NKD1: variants seen among roughly 807,000 people sequenced by gnomAD.
NKD1 encodes the protein NKD inhibitor of Wnt signaling pathway 1, also known as protein naked cuticle homolog 1.
A neutral mutation model predicts 56.0 loss-of-function variants in NKD1; 21 were observed. The ratio of observed to expected loss-of-function variants is 0.38; its 90% CI spans 0.27 to 0.54. NKD1 has a LOEUF of 0.54. Among genes scored for constraint, NKD1 ranks in the 20% least tolerant of loss-of-function variants. NKD1 has a pLI of 0.82. For missense variants in NKD1, 578 were observed against 642.7 expected (o/e 0.90, Z 1.09); for synonymous variants, 263 against 265.7 (o/e 0.99, Z 0.10).
chr16:50,548,670 G>A (rs1567331082), intron 1 of NKD1, 47 bp from the exon 2 acceptor site: 4 of 1,460,974 alleles, frequency 2.7e-6, no homozygotes, highest in Non-Finnish European at 2.7e-6. Flanking sequence ...TCCTTCTCCC[G>A]CCGCCGCGGC....
In NKD1 at chr16:50,642,907, G is replaced by A. The variant is rs1962605951; in HGVS notation, c.*9126G>A. On this transcript the variant is annotated 3_prime_UTR_variant, in exon 10 of 10. Coordinates refer to ENST00000268459, the MANE Select transcript of NKD1 (RefSeq NM_033119.5). ...ACTCTGTTCCTTCCAGACCCGACTT[G>A]TGGTGTGAACTTGGACAAGCCCCTG... 1 of 152,228 alleles carries A rather than the reference G, an allele frequency of 6.6e-6. No individual in the cohort carries two copies. Among genetic ancestry groups the A allele is most frequent in the Non-Finnish European group, 1.5e-5 (1 of 68,072 alleles). The allele number at this position is 152,228 out of a possible 1,614,324, so 9.4% of individuals were successfully genotyped here.
intron 3 of NKD1, among the ~76,000 whole-genome samples, chr16:50,580,275 C>T (rs913966207): frequency 1.3e-5 from 2 of 152,266 alleles, no homozygotes; most frequent in Admixed American, 6.5e-5. Flanking sequence ...GATGGACTGG[C>T]CATTCTGGCC....
At chr16:50,618,899 G>A (rs576325586) in intron 4 of NKD1, among the ~76,000 whole-genome samples, 1 of 152,328 alleles carries the variant, frequency 6.6e-6, no homozygotes, top group Admixed American at 6.5e-5. Context: ...CCCTTCAGGT[G>A]AGGAGAAAGG....
intron 3 of NKD1, among the ~76,000 whole-genome samples, chr16:50,559,714 G>C (rs1413843378): frequency 6.6e-6 from 1 of 152,168 alleles, no homozygotes; most frequent in East Asian, 1.9e-4. Flanking sequence ...CAGGTTGGAA[G>C]AGGTAGGGAG....
At chr16:50,574,098 C>A (rs1403379588) in intron 3 of NKD1, 1 of 813,678 alleles carries the variant, frequency 1.2e-6, no homozygotes, top group Non-Finnish European at 1.5e-6. Flanking sequence ...CTCCAAGTGG[C>A]AGAATGTCTT....
intron 3 of NKD1, among the ~76,000 whole-genome samples, chr16:50,571,747 T>C (rs999795764): frequency 2.0e-5 from 3 of 152,132 alleles, no homozygotes; most frequent in African/African-American, 7.2e-5. Context: ...CCTGGAGGAC[T>C]CCAACAGCCT....
intron 4 of NKD1, among the ~76,000 whole-genome samples, chr16:50,609,417 G>GT (rs1304940982): frequency 6.6e-6 from 1 of 152,220 alleles, no homozygotes; most frequent in Non-Finnish European, 1.5e-5. Context: ...CCTTATAAGA[G>GT]TAAGGAAGGA....
intron 3 of NKD1, chr16:50,573,817 C>T (rs914168147): frequency 1.7e-5 from 17 of 985,218 alleles, no homozygotes; most frequent in African/African-American, 1.0e-4. Flanking sequence ...AGAACTCTCA[C>T]GGAAACGGGT....
intron 5 of NKD1, among the ~76,000 whole-genome samples, chr16:50,622,914 G>A (rs1160421987): frequency 2.0e-5 from 3 of 152,142 alleles, no homozygotes; most frequent in Non-Finnish European, 4.4e-5. Flanking sequence ...GGGTCAGGCC[G>A]AGGGGTGTGG....
chr16:50,599,812 C>A (rs537561123), intron 3 of NKD1, among the ~76,000 whole-genome samples: 1 of 152,336 alleles, frequency 6.6e-6, no homozygotes, highest in East Asian at 1.9e-4. Context: ...TGGTTCATCT[C>A]TTAAGGGCTC....
intron 3 of NKD1, 92 bp downstream of exon 3, chr16:50,549,647 C>G (rs919269762): frequency 5.7e-6 from 7 of 1,228,858 alleles, no homozygotes; most frequent in Non-Finnish European, 7.7e-6. Flanking sequence ...TGAGCACTTT[C>G]CTGCACAGCT....
intron 3 of NKD1, among the ~76,000 whole-genome samples, chr16:50,570,529 G>C (rs1596712044): frequency 6.6e-6 from 1 of 152,230 alleles, no homozygotes; most frequent in Non-Finnish European, 1.5e-5. Flanking sequence ...TACTAGCTGT[G>C]TGACCTTTGG....
At chr16:50,582,989 G>A (rs1961150509) in intron 3 of NKD1, among the ~76,000 whole-genome samples, 1 of 152,158 alleles carries the variant, frequency 6.6e-6, no homozygotes, top group Non-Finnish European at 1.5e-5. Flanking sequence ...CCTGGCGACA[G>A]CGCGAGACTC....
intron 3 of NKD1, among the ~76,000 whole-genome samples, chr16:50,579,891 C>T (rs1416763989): frequency 5.3e-5 from 8 of 152,320 alleles, no homozygotes; most frequent in Non-Finnish European, 1.0e-4. Flanking sequence ...CTGCTACACA[C>T]GCACTCTAAC....
chr16:50,631,298 T>C (rs1014791983), intron 8 of NKD1, among the ~76,000 whole-genome samples: 1 of 152,146 alleles, frequency 6.6e-6, no homozygotes, highest in Non-Finnish European at 1.5e-5. Context: ...ATGAAAACTC[T>C]TAGTTTTCAG....
chr16:50,601,222 A>T (rs1348670792), intron 3 of NKD1, among the ~76,000 whole-genome samples: 1 of 152,206 alleles, frequency 6.6e-6, no homozygotes, highest in Non-Finnish European at 1.5e-5. Context: ...CTGGCTCCCA[A>T]GCTTGCCTGG....
intron 3 of NKD1, among the ~76,000 whole-genome samples, chr16:50,562,792 A>T (rs896711171): frequency 1.3e-5 from 2 of 152,060 alleles, no homozygotes; most frequent in African/African-American, 4.8e-5. Context: ...TTTGTAGTGT[A>T]GCGGGACCTA....
chr16:50,573,932 C>T, intron 3 of NKD1: 2 of 985,318 alleles, frequency 2.0e-6, no homozygotes, highest in Non-Finnish European at 2.4e-6. Flanking sequence ...TGGGGTGCAG[C>T]CCAGCAGTCT....
intron 3 of NKD1, among the ~76,000 whole-genome samples, chr16:50,550,140 G>A (rs2050302699): frequency 6.6e-6 from 1 of 151,868 alleles, no homozygotes; most frequent in African/African-American, 2.4e-5. Flanking sequence ...AGAGCCCTGA[G>A]CCTTCACCCC....
Sources: gnomAD v4.1 joint callset for allele counts (sites outside exome capture counted in the v4.1 genomes callset) on GRCh38, gnomAD v4.1.1 for gene constraint, MANE v1.5 for transcripts, NCBI Gene and HGNC (gene_info 2026-07-23, HGNC 2026-07-21) for gene names.